PARP8: variants seen among roughly 807,000 people sequenced by gnomAD.
PARP8 encodes the protein protein mono-ADP-ribosyltransferase PARP8.
PARP8 carries 51 observed loss-of-function variants against 124.1 expected under a neutral mutation model. The observed-to-expected ratio is 0.41, with a 90% confidence interval of 0.33 to 0.52. The LOEUF is 0.52. Among genes scored for constraint, PARP8 ranks in the 20% least tolerant of loss-of-function variants. The pLI is 0.21. For synonymous variants in PARP8, 391 were observed against 361.5 expected (o/e 1.08, Z -0.93); for missense variants, 860 against 1,018.9 (o/e 0.84, Z 2.12).
intron 14 of PARP8, among the ~76,000 whole-genome samples, chr5:50,810,939 T>C (rs968367286): frequency 6.6e-6 from 1 of 152,094 alleles, no homozygotes; most frequent in Admixed American, 6.6e-5. Flanking sequence ...GATAAAATTA[T>C]TTTTATAAGA....
chr5:50,795,078 G>C lies in PARP8; in HGVS notation c.1089G>C (p.Leu363Phe), dbSNP rs1378188934. Residue 363 changes from leucine (L) to phenylalanine (F), a missense_variant, in exon 12 of 26, where the codon TTG becomes TTC. Coordinates refer to ENST00000281631, the MANE Select transcript of PARP8 (RefSeq NM_024615.4). The stretch of plus-strand genomic sequence containing the variant: ...CAGCAATTAAATCGCACAAACTTTT[G>C]AACCGTCCTTGCCCTGCAGCTGTTA... Reference protein sequence around the residue: ...AMTAIKSHKLLNRPCPAAVKS... With the variant: ...AMTAIKSHKLFNRPCPAAVKS... 6.2e-7 allele frequency: 1 copy of C among 1,614,148 alleles called. No homozygotes were observed. The highest frequency in any genetic ancestry group is 8.5e-7 in the Non-Finnish European group (1 of 1,180,020).
rs150624061 is a variant in PARP8 at position 50,687,314 on chromosome 5, G to C, written c.146+19189G>C. On this transcript the variant is annotated intron_variant, in intron 2 of 25. Coordinates refer to ENST00000281631, the MANE Select transcript of PARP8 (RefSeq NM_024615.4). ...TCACCTTCGCTCCAGTCCCCAACAAGTTTCTCATCTCCATCTCAGACCACC... is the reference window on the plus strand; with the variant it reads ...TCACCTTCGCTCCAGTCCCCAACAACTTTCTCATCTCCATCTCAGACCACC... 3.3e-4 allele frequency among the ~76,000 whole-genome samples: 50 copies of C among 152,266 alleles called. 1 individual carries two copies. The East Asian group carries it at 7.1e-3, about 22-fold the overall frequency.
At chr5:50,790,110 A>T (rs1741778891) in intron 10 of PARP8, among the ~76,000 whole-genome samples, 1 of 152,236 alleles carries the variant, frequency 6.6e-6, no homozygotes, top group Admixed American at 6.5e-5. Flanking sequence ...AGGAAAAAAC[A>T]TTCTTATAAA....
chr5:50,739,371 A>C (rs1486535554), intron 2 of PARP8, among the ~76,000 whole-genome samples: 1 of 143,346 alleles, frequency 7.0e-6, no homozygotes, highest in Non-Finnish European at 1.5e-5. Flanking sequence ...GCTTTTACTC[A>C]TTCGTTAATT....
chr5:50,686,820 G>A (rs1300780166), intron 2 of PARP8, among the ~76,000 whole-genome samples: 2 of 152,156 alleles, frequency 1.3e-5, no homozygotes, highest in Non-Finnish European at 2.9e-5. Flanking sequence ...TTCAGTCAGG[G>A]TTGCAGTGGC....
At chr5:50,780,715 TTA>T (rs1428994237) in intron 9 of PARP8, among the ~76,000 whole-genome samples, 1 of 152,118 alleles carries the variant, frequency 6.6e-6, no homozygotes, top group Non-Finnish European at 1.5e-5. Context: ...AACCTGAGGG[TTA>T]TGTTTTCTTT....
In PARP8 at chr5:50,694,874, G is replaced by A. The variant is rs1318126100; in HGVS notation, c.146+26749G>A. ...CCTGAGAGCCCCTAGCATATCACTG[G>A]TGTAAGTCCAAGAGTCCAAAAGCTG... On this transcript the variant is annotated intron_variant, in intron 2 of 25. Coordinates refer to ENST00000281631, the MANE Select transcript of PARP8 (RefSeq NM_024615.4). Among the ~76,000 whole-genome samples, 3 of 152,298 alleles carry A rather than the reference G, an allele frequency of 2.0e-5. No homozygotes were observed. The East Asian group carries it at 5.8e-4, about 29-fold the overall frequency.
intron 2 of PARP8, among the ~76,000 whole-genome samples, chr5:50,709,922 GTATATATATATATATATATATATA>G (rs200521595): frequency 3.2e-5 from 3 of 93,930 alleles, no homozygotes; most frequent in African/African-American, 1.2e-4. Context: ...TAGAAAGAGT[GTATATATATATATATATATATATA>G]TATATATATA....
intron 7 of PARP8, among the ~76,000 whole-genome samples, chr5:50,763,482 T>A (rs1561345625): frequency 6.6e-6 from 1 of 152,170 alleles, no homozygotes; most frequent in Admixed American, 6.5e-5. Flanking sequence ...TGAAGACATA[T>A]CAATCTTAAG....
intron 14 of PARP8, among the ~76,000 whole-genome samples, chr5:50,801,064 T>A (rs910459592): frequency 5.9e-5 from 9 of 151,978 alleles, no homozygotes; most frequent in Non-Finnish European, 8.8e-5. Flanking sequence ...GGTGAAAAAT[T>A]TTTAATTTAT....
At chr5:50,734,225 A>G (rs962164130) in intron 2 of PARP8, among the ~76,000 whole-genome samples, 1 of 152,006 alleles carries the variant, frequency 6.6e-6, no homozygotes, top group Non-Finnish European at 1.5e-5. Context: ...TGAAATCTAT[A>G]TGTTATTATG....
At chr5:50,732,472 T>A (rs1163814397) in intron 2 of PARP8, among the ~76,000 whole-genome samples, 1 of 152,162 alleles carries the variant, frequency 6.6e-6, no homozygotes, top group East Asian at 1.9e-4. Context: ...CGACTGATAT[T>A]TGCATAAAAA....
At chr5:50,761,287 A>ATTT (rs1760512711) in intron 5 of PARP8, among the ~76,000 whole-genome samples, 1 of 152,110 alleles carries the variant, frequency 6.6e-6, no homozygotes, top group Non-Finnish European at 1.5e-5. Flanking sequence ...AAGCATATTA[A>ATTT]ATTAAATACC....
intron 2 of PARP8, among the ~76,000 whole-genome samples, chr5:50,748,469 C>G (rs1406715781): frequency 1.3e-5 from 2 of 152,094 alleles, no homozygotes; most frequent in African/African-American, 4.8e-5. Flanking sequence ...GTTTTCGGTG[C>G]TTTTCATTCT....
chr5:50,776,208 A>T (rs144970869), intron 7 of PARP8, among the ~76,000 whole-genome samples: 1 of 152,294 alleles, frequency 6.6e-6, no homozygotes, highest in East Asian at 1.9e-4. Context: ...CATATGTTGA[A>T]TCATCTTGCA....
chr5:50,740,331 GT>G (rs1186831939), intron 2 of PARP8, among the ~76,000 whole-genome samples: 1 of 152,162 alleles, frequency 6.6e-6, no homozygotes, highest in Non-Finnish European at 1.5e-5. Context: ...ATGAGACTGA[GT>G]TAACCAGGTC....
In PARP8 at chr5:50,834,993, G is replaced by A. The variant is rs1747405829; in HGVS notation, c.2440G>A (p.Val814Ile). Reference sequence around the variant, plus strand: ...ATGGGTTGTCCCCAATACTGACCATGTCTGCACACGATTCTTTTTCGTGTA... The same window carrying A: ...ATGGGTTGTCCCCAATACTGACCATATCTGCACACGATTCTTTTTCGTGTA... Reference protein sequence around the residue: ...EIWVVPNTDHVCTRFFFVYED... With the variant: ...EIWVVPNTDHICTRFFFVYED... The change falls in exon 25 of 26, where the codon GTC becomes ATC. Residue 814 changes from valine (V) to isoleucine (I), a missense_variant. Val to Ile is a conservative substitution (Grantham distance 29). This residue lies in a region of PARP8 where 343 missense variants were observed against 474.7 expected (regional missense o/e 0.72). Coordinates refer to ENST00000281631, the MANE Select transcript of PARP8 (RefSeq NM_024615.4). The A allele has an allele frequency of 6.2e-7, 1 of 1,613,180 alleles. No homozygotes were observed. Among genetic ancestry groups the A allele is most frequent in the Non-Finnish European group, 8.5e-7 (1 of 1,179,492 alleles).
intron 2 of PARP8, among the ~76,000 whole-genome samples, chr5:50,749,924 A>G (rs549919879): frequency 6.6e-6 from 1 of 152,286 alleles, no homozygotes; most frequent in East Asian, 1.9e-4. Flanking sequence ...AGATATTTCA[A>G]AACTGTTAGA....
chr5:50,777,433 T>G (rs779996002), intron 7 of PARP8, among the ~76,000 whole-genome samples: 2 of 152,188 alleles, frequency 1.3e-5, no homozygotes, highest in Non-Finnish European at 2.9e-5. Context: ...TTCAAACTTG[T>G]TTTTATATTC....
Sources: allele counts gnomAD v4.1 joint callset (sites outside exome capture counted in the v4.1 genomes callset), GRCh38; gene constraint gnomAD v4.1.1; regional missense constraint gnomAD v4.1.1; transcripts MANE v1.5; gene names NCBI Gene and HGNC (gene_info 2026-07-23, HGNC 2026-07-21).